OTULIN: variants seen among roughly 807,000 people sequenced by gnomAD.
OTULIN encodes OTU deubiquitinase with linear linkage specificity.
A neutral mutation model predicts 39.6 loss-of-function variants in OTULIN; 15 were observed. The ratio of observed to expected loss-of-function variants is 0.38; its 90% CI spans 0.25 to 0.58. The LOEUF (loss-of-function observed/expected upper bound fraction) is 0.58, where lower values mean the gene tolerates loss of function less well. OTULIN is among the 20% of genes least tolerant of loss of function. The pLI is 0.66. For missense variants in OTULIN, 319 were observed against 445.9 expected (o/e 0.72, Z 2.56); for synonymous variants, 156 against 170.3 (o/e 0.92, Z 0.65).
In OTULIN at chr5:14,694,350, GA is replaced by G. The variant is rs1736611336; in HGVS notation, c.*1304del. 1 of 152,260 alleles carries G rather than the reference GA, an allele frequency of 6.6e-6. No individual in the cohort carries two copies. The highest frequency in any genetic ancestry group is 1.5e-5 in the Non-Finnish European group (1 of 68,084). The allele number at this position is 152,260 out of a possible 1,614,324, so 9.4% of individuals were successfully genotyped here. A position where few individuals can be genotyped will look rare whatever the true frequency, so the allele number is the denominator to read the frequency against. On this transcript the variant is annotated 3_prime_UTR_variant, in exon 7 of 7. Coordinates refer to ENST00000284274, the MANE Select transcript of OTULIN (RefSeq NM_138348.6). ...CTGAGCATGGTCTGCCTTATGGCCT[GA>G]ATTGTCCTCAAGGGGTGTGGACTGC...
chr5:14,693,015 C>A lies in OTULIN; in HGVS notation c.1026C>A (p.Ile342=). The part of the protein sequence containing the change: ...LIAEDDRHYN[I]PVRVCEETSL Reference sequence around the variant, plus strand: ...CTGAGGACGATCGGCACTATAACATCCCCGTCAGAGTGTGTGAGGAGACCA... The same window carrying A: ...CTGAGGACGATCGGCACTATAACATACCCGTCAGAGTGTGTGAGGAGACCA... Residue 342 remains isoleucine, a synonymous_variant, in exon 7 of 7, where the codon ATC becomes ATA. Transcript: ENST00000284274. 3 of 1,613,966 alleles carry A rather than the reference C, an allele frequency of 1.9e-6. 1 individual carries two copies. The highest frequency in any genetic ancestry group is 2.2e-5 in the South Asian group (2 of 91,056).
In OTULIN at chr5:14,681,461, C is replaced by A. The variant is rs767400148; in HGVS notation, c.325-3C>A. ...TTTTGAATTCTTTCATACCTTTTCC[C>A]AGGGCTATGAAGAGGTTTCTCAGAA... On this transcript the variant is annotated splice_polypyrimidine_tract_variant and splice_region_variant and intron_variant, in intron 3 of 6. Transcript: ENST00000284274. 10 of 1,603,090 alleles carry A rather than the reference C, an allele frequency of 6.2e-6. No homozygotes were observed. The Admixed American group carries it at 1.8e-4, about 28-fold the overall frequency.
chr5:14,707,345 A>G, the OTULIN span: 1 of 151,884 alleles, frequency 6.6e-6, no homozygotes, highest in Non-Finnish European at 1.5e-5. Context: ...ATGTGTTCCT[A>G]GAAACCAAGG....
downstream of OTULIN, among the ~76,000 whole-genome samples, chr5:14,701,829 G>T (rs189007513): frequency 1.7e-3 from 255 of 152,270 alleles, no homozygotes; most frequent in African/African-American, 5.3e-3. Flanking sequence ...TAAGTGTCAG[G>T]CTGGTCCTGA....
the OTULIN span, chr5:14,712,876 G>C: frequency 6.2e-7 from 1 of 1,608,036 alleles, no homozygotes. Flanking sequence ...TGTCTCACCT[G>C]CTTCCGGTAG....
intron 6 of OTULIN, among the ~76,000 whole-genome samples, chr5:14,691,126 C>A (rs1464915960): frequency 6.6e-6 from 1 of 152,240 alleles, no homozygotes; most frequent in Non-Finnish European, 1.5e-5. Context: ...ACACCTTGTG[C>A]TATCTTTGAT....
At chr5:14,701,625 T>C (rs756303750), downstream of OTULIN, among the ~76,000 whole-genome samples, 7 of 152,156 alleles carry the variant, frequency 4.6e-5, no homozygotes, top group Non-Finnish European at 8.8e-5. Context: ...ATATCTACTC[T>C]TGGTACTTTT....
At chr5:14,703,140 G>A (rs1168629644), downstream of OTULIN, among the ~76,000 whole-genome samples, 1 of 151,988 alleles carries the variant, frequency 6.6e-6, no homozygotes, top group Non-Finnish European at 1.5e-5. Context: ...GACAGAATGA[G>A]GACTCACAGC....
At chr5:14,710,721 C>T in the OTULIN span, 1 of 185,724 alleles carries the variant, frequency 5.4e-6, no homozygotes, top group South Asian at 1.1e-4. Context: ...GGGGCTCCAT[C>T]TCTTTGTACG....
the OTULIN span, chr5:14,707,688 CAGAG>C: frequency 6.6e-6 from 1 of 152,118 alleles, no homozygotes; most frequent in African/African-American, 2.4e-5. Flanking sequence ...TGGGAAGACT[CAGAG>C]AGTGAAGTAT....
chr5:14,699,882 G>C (rs1158336248), downstream of OTULIN, among the ~76,000 whole-genome samples: 1 of 152,068 alleles, frequency 6.6e-6, no homozygotes, highest in African/African-American at 2.4e-5. Flanking sequence ...CATGTTCTTT[G>C]CCTCTGACAT....
chr5:14,711,014 C>G, the OTULIN span: 1 of 645,722 alleles, frequency 1.5e-6, no homozygotes, highest in Non-Finnish European at 2.8e-6. Flanking sequence ...TCACTAGGTC[C>G]CCCCGTCAGT....
chr5:14,714,698 A>G, the OTULIN span, among the ~76,000 whole-genome samples: 18 of 152,080 alleles, frequency 1.2e-4, no homozygotes, highest in East Asian at 3.9e-4. Flanking sequence ...CAAAGGAGAG[A>G]GTCAGGATCC....
chr5:14,681,724 C>A (rs770971581), intron 4 of OTULIN, 117 bp downstream of exon 4: 2 of 1,206,512 alleles, frequency 1.7e-6, no homozygotes, highest in African/African-American at 3.1e-5. Flanking sequence ...TCAGCATGTG[C>A]GTTTATTCAG....
chr5:14,713,052 G>GT, the OTULIN span: 1 of 1,389,934 alleles, frequency 7.2e-7, no homozygotes. The surrounding 1 kb of genome is among the most constrained non-coding windows in gnomAD (Gnocchi z 4.4). Context: ...ACCCAGGAAA[G>GT]TAAGTGTAGC....
At chr5:14,711,225 ATGTC>A in the OTULIN span, 1 of 1,613,982 alleles carries the variant, frequency 6.2e-7, no homozygotes, top group Non-Finnish European at 8.5e-7. Context: ...CATTTCCACG[ATGTC>A]TGTCACCTCC....
At chr5:14,713,199 C>T in the OTULIN span, among the ~76,000 whole-genome samples, 8 of 152,198 alleles carry the variant, frequency 5.3e-5, no homozygotes, top group African/African-American at 1.9e-4. This position sits in a 1 kb window ranked among gnomAD's most constrained non-coding sequence, Gnocchi z 4.4. Flanking sequence ...TCCCACAGCC[C>T]TTCCCACCCT....
chr5:14,703,276 T>C (rs1347618069), downstream of OTULIN, among the ~76,000 whole-genome samples: 4 of 140,258 alleles, frequency 2.9e-5, no homozygotes, highest in African/African-American at 5.5e-5. Context: ...ATTACAAATA[T>C]AAGCAATGCC....
chr5:14,688,714 AC>A (rs1322603215), intron 5 of OTULIN, among the ~76,000 whole-genome samples: 3 of 152,174 alleles, frequency 2.0e-5, no homozygotes, highest in African/African-American at 7.2e-5. Context: ...CATTCTTGTT[AC>A]CTGTTGGACT....
Sources: gnomAD v4.1 joint callset for allele counts (sites outside exome capture counted in the v4.1 genomes callset) on GRCh38, gnomAD v4.1.1 for gene constraint, Gnocchi (gnomAD v3.1) non-coding constraint, MANE v1.5 for transcripts, NCBI Gene and HGNC (gene_info 2026-07-23, HGNC 2026-07-21) for gene names.